Variants in B3GALT1 observed in about 807,000 individuals in gnomAD.
B3GALT1 encodes UDP-Gal:betaGlcNAc beta 1,3-galactosyltransferase, polypeptide 1.
Under a neutral mutation model 23.2 loss-of-function variants are expected in B3GALT1, and 10 were observed. That is an observed-to-expected ratio of 0.43 (90% CI 0.27 to 0.73). B3GALT1 has a LOEUF of 0.73. B3GALT1 is among the 30% of genes least tolerant of loss of function. The pLI, the probability that B3GALT1 is intolerant of heterozygous loss-of-function variation, is 0.21. For missense variants in B3GALT1, 299 were observed against 405.4 expected (o/e 0.74, Z 2.25); for synonymous variants, 156 against 141.5 (o/e 1.10, Z -0.73).
In B3GALT1 at chr2:167,390,014, T is replaced by C. The variant is rs143800187; in HGVS notation, c.-511+96680T>C. ...GTGACTGAGAGGGACATGAGCTGTA[T>C]TAAGGACGCATCAAGGCAGAAGCCC... On this transcript the variant is annotated intron_variant, in intron 1 of 4. Coordinates refer to ENST00000392690, the MANE Select transcript of B3GALT1 (RefSeq NM_020981.4). 4.1e-3 allele frequency among the ~76,000 whole-genome samples: 627 copies of C among 151,342 alleles called. 9 individuals carry two copies. The highest frequency in any genetic ancestry group is 0.015 in the African/African-American group (602 of 41,182).
At chr2:167,567,891 A>C (rs1684205515) in intron 2 of B3GALT1, among the ~76,000 whole-genome samples, 1 of 152,084 alleles carries the variant, frequency 6.6e-6, no homozygotes, top group South Asian at 2.1e-4. Flanking sequence ...CCACCTATTC[A>C]TCCTCACTCC....
intron 1 of B3GALT1, among the ~76,000 whole-genome samples, chr2:167,326,785 G>A (rs1327393854): frequency 6.6e-6 from 1 of 152,022 alleles, no homozygotes; most frequent in Non-Finnish European, 1.5e-5. Flanking sequence ...CGCCTCCCGG[G>A]TTCAAGCAAT....
chr2:167,633,113 T>C (rs111297904), intron 2 of B3GALT1, among the ~76,000 whole-genome samples: 5,658 of 152,014 alleles, frequency 0.037, 362 homozygotes, highest in African/African-American at 0.13. Flanking sequence ...AAAACAGTGT[T>C]CAGGATATTA....
intron 4 of B3GALT1, among the ~76,000 whole-genome samples, chr2:167,856,354 G>T (rs1226387948): frequency 6.6e-6 from 1 of 152,142 alleles, no homozygotes; most frequent in Non-Finnish European, 1.5e-5. Flanking sequence ...CTGAAAATAT[G>T]CAGGGCTATA....
intron 1 of B3GALT1, among the ~76,000 whole-genome samples, chr2:167,315,240 A>G (rs1422011471): frequency 6.6e-6 from 1 of 152,200 alleles, no homozygotes; most frequent in African/African-American, 2.4e-5. Context: ...TGGTAAGTGT[A>G]ACTCCACCTC....
intron 1 of B3GALT1, among the ~76,000 whole-genome samples, chr2:167,363,631 G>T (rs966781451): frequency 6.6e-6 from 1 of 151,994 alleles, no homozygotes; most frequent in Admixed American, 6.6e-5. Context: ...TTAAACATCT[G>T]TGGAACCAAA....
chr2:167,846,772 T>C (rs970339980), intron 4 of B3GALT1, among the ~76,000 whole-genome samples: 4 of 152,078 alleles, frequency 2.6e-5, no homozygotes, highest in African/African-American at 7.2e-5. Context: ...AATACTAACA[T>C]TGAATGTAAA....
intron 1 of B3GALT1, among the ~76,000 whole-genome samples, chr2:167,484,574 G>A (rs1356714095): frequency 1.3e-5 from 2 of 152,188 alleles, no homozygotes; most frequent in Admixed American, 1.3e-4. Flanking sequence ...TTGGCAATTT[G>A]TTGAAAGAGT....
At chr2:167,490,975 G>A (rs985021415) in intron 2 of B3GALT1, among the ~76,000 whole-genome samples, 8 of 152,166 alleles carry the variant, frequency 5.3e-5, no homozygotes, top group Non-Finnish European at 1.2e-4. Context: ...TGATAAAGAA[G>A]CTCTTCCTTA....
At chr2:167,546,827 A>G (rs547613294) in intron 2 of B3GALT1, among the ~76,000 whole-genome samples, 4 of 152,238 alleles carry the variant, frequency 2.6e-5, no homozygotes, top group South Asian at 4.1e-4. Context: ...AACATCACCA[A>G]CCTAAAGGAG....
At chr2:167,671,296 CTG>C (rs1462018017) in intron 3 of B3GALT1, among the ~76,000 whole-genome samples, 1 of 152,142 alleles carries the variant, frequency 6.6e-6, no homozygotes, top group East Asian at 1.9e-4. Context: ...AGGAATAACA[CTG>C]TGGGCCAAAT....
intron 3 of B3GALT1, among the ~76,000 whole-genome samples, chr2:167,680,931 T>G (rs981311190): frequency 6.6e-6 from 1 of 152,194 alleles, no homozygotes; most frequent in Non-Finnish European, 1.5e-5. Flanking sequence ...ACTTTTTAAT[T>G]TTTTCTGTGA....
intron 4 of B3GALT1, among the ~76,000 whole-genome samples, chr2:167,835,697 C>T (rs979177109): frequency 6.6e-6 from 1 of 152,224 alleles, no homozygotes; most frequent in Non-Finnish European, 1.5e-5. Flanking sequence ...TCCCAGCATG[C>T]AGCTGGAGAT....
At chr2:167,528,352 T>G (rs948326411) in intron 2 of B3GALT1, among the ~76,000 whole-genome samples, 1 of 152,236 alleles carries the variant, frequency 6.6e-6, no homozygotes, top group African/African-American at 2.4e-5. Context: ...TATCTGGGTT[T>G]TATTTAATTC....
intron 2 of B3GALT1, among the ~76,000 whole-genome samples, chr2:167,549,018 A>G (rs1326414451): frequency 6.6e-6 from 1 of 152,206 alleles, no homozygotes; most frequent in African/African-American, 2.4e-5. Flanking sequence ...TGATGCCTGA[A>G]TATGTGTTGA....
chr2:167,713,727 C>T (rs1175648544), intron 3 of B3GALT1: 11 of 1,556,202 alleles, frequency 7.1e-6, no homozygotes, highest in African/African-American at 1.4e-5. Context: ...CTCAAGGGAA[C>T]TTGCTTCTAC....
At chr2:167,535,795 TAAG>T (rs1428730013) in intron 2 of B3GALT1, among the ~76,000 whole-genome samples, 4 of 152,158 alleles carry the variant, frequency 2.6e-5, no homozygotes, top group Admixed American at 6.6e-5. Flanking sequence ...AATACAATAA[TAAG>T]AGCCATTATG....
intron 1 of B3GALT1, among the ~76,000 whole-genome samples, chr2:167,362,109 G>A (rs1193707437): frequency 1.3e-5 from 2 of 151,806 alleles, no homozygotes; most frequent in Non-Finnish European, 2.9e-5. Context: ...TGGATTCTAA[G>A]AAAATTACCT....
At chr2:167,684,040 T>C (rs887621769) in intron 3 of B3GALT1, among the ~76,000 whole-genome samples, 1 of 152,204 alleles carries the variant, frequency 6.6e-6, no homozygotes, top group South Asian at 2.1e-4. Context: ...TTCTACTACC[T>C]AGGTTAATCG....
Sources: allele counts gnomAD v4.1 joint callset (sites outside exome capture counted in the v4.1 genomes callset), GRCh38; gene constraint gnomAD v4.1.1; transcripts MANE v1.5; gene names NCBI Gene and HGNC (gene_info 2026-07-23, HGNC 2026-07-21).